The following DZIP1L variants were observed in gnomAD, a reference collection of about 807,000 sequenced individuals.
The protein encoded by DZIP1L is DAZ interacting zinc finger protein 1 like, also known as cilium assembly protein DZIP1L.
A neutral mutation model predicts 88.7 loss-of-function variants in DZIP1L; 90 were observed. The ratio of observed to expected loss-of-function variants is 1.02; its 90% CI spans 0.86 to 1.21. The LOEUF (loss-of-function observed/expected upper bound fraction) is 1.21, where lower values mean the gene tolerates loss of function less well. Among genes scored for constraint, DZIP1L ranks in the 50% most tolerant of loss-of-function variants. The pLI is 0.00. For synonymous variants in DZIP1L, 363 were observed against 372.1 expected (o/e 0.98, Z 0.28); for missense variants, 932 against 955.8 (o/e 0.98, Z 0.33).
At chr3:138,096,769 ACT>A (rs1491398956) in intron 3 of DZIP1L, among the ~76,000 whole-genome samples, 1 of 152,230 alleles carries the variant, frequency 6.6e-6, no homozygotes, top group Non-Finnish European at 1.5e-5. Flanking sequence ...GGTAAGTGGT[ACT>A]TTTTTTTTAT....
In DZIP1L at chr3:138,088,477, T is replaced by A; in HGVS notation, c.901A>T (p.Met301Leu). The A allele has an allele frequency of 6.2e-7, 1 of 1,613,982 alleles. No individual in the cohort carries two copies. The highest frequency in any genetic ancestry group is 2.2e-5 in the East Asian group (1 of 44,866). ...CGCAGTGATCCCAGCTTGGACTCCA[T>A]CACACTGTGGGACTGCAGTGCCCGC... The part of the protein sequence containing the change: ...KLRALQSHSV[M>L]ESKLGSLRDE... The change falls in exon 6 of 16, where the codon ATG becomes TTG. Residue 301 changes from methionine to leucine, a missense_variant. Coordinates refer to ENST00000327532, the MANE Select transcript of DZIP1L (RefSeq NM_173543.3).
At chr3:138,080,085 G>A (rs1231673139) in intron 10 of DZIP1L, among the ~76,000 whole-genome samples, 1 of 152,156 alleles carries the variant, frequency 6.6e-6, no homozygotes, top group East Asian at 1.9e-4. Flanking sequence ...AAAACAGCAG[G>A]TGCCCAATGC....
chr3:138,090,233 G>C (rs768329119), intron 5 of DZIP1L, among the ~76,000 whole-genome samples: 19 of 151,970 alleles, frequency 1.3e-4, no homozygotes, highest in Non-Finnish European at 2.2e-4. Flanking sequence ...AGTTAAAAAG[G>C]ATATCATGGA....
intron 2 of DZIP1L, among the ~76,000 whole-genome samples, chr3:138,103,266 T>TAC (rs141152295): frequency 8.3e-4 from 125 of 150,208 alleles, no homozygotes; most frequent in South Asian, 1.5e-3. Flanking sequence ...TACACACACA[T>TAC]ACACACACAC....
At chr3:138,077,708 G>A (rs1008182702) in intron 10 of DZIP1L, 76 bp from the exon 11 acceptor site, 7 of 1,572,816 alleles carry the variant, frequency 4.5e-6, no homozygotes, top group African/African-American at 4.1e-5. Flanking sequence ...TGCACCTGCC[G>A]AGCCCTCACA....
chr3:138,071,884 T>C, intron 11 of DZIP1L, 49 bp from the exon 12 acceptor site: 1 of 1,542,826 alleles, frequency 6.5e-7, no homozygotes, highest in Non-Finnish European at 8.7e-7. Context: ...ACCCTTCTTC[T>C]CCTTCCCCTA....
chr3:138,089,226 G>T (rs1944092813), intron 5 of DZIP1L: 1 of 985,236 alleles, frequency 1.0e-6, no homozygotes, highest in Admixed American at 6.1e-5. Flanking sequence ...CTCAACTATT[G>T]CTAAACAATA....
chr3:138,107,160 T>C (rs2042518203), intron 1 of DZIP1L, among the ~76,000 whole-genome samples: 1 of 152,236 alleles, frequency 6.6e-6, no homozygotes, highest in Non-Finnish European at 1.5e-5. Context: ...AGTGGTTCAG[T>C]GGCATCCCCC....
Position 138,073,999 on chromosome 3 carries a change from T to A in DZIP1L, c.1423-2164A>T, listed in dbSNP as rs946203600. ...AGACAAGGCTTTCGAATTAACACAA[T>A]CCATAGAAGACAAAAAAGAATTTTA... On this transcript the variant is annotated intron_variant, in intron 11 of 15. Transcript: ENST00000327532. 4.0e-5 allele frequency among the ~76,000 whole-genome samples: 6 copies of A among 151,718 alleles called. No homozygotes were observed. In the South Asian group the frequency reaches 8.3e-4, roughly 21 times the overall value.
Position 138,068,139 on chromosome 3 carries a change from T to C in DZIP1L, c.1832+12A>G. ...CTGCAGGTGGGGTGAGAGGGCAGAG[T>C]CTGGGGCTCACCTCATCCCGGGCCC... is the stretch of plus-strand genomic sequence containing the variant. On this transcript the variant is annotated intron_variant, in intron 13 of 15. Transcript: ENST00000327532. The C allele has an allele frequency of 6.7e-7, 1 of 1,485,526 alleles. No homozygotes were observed. Among genetic ancestry groups the C allele is most frequent in the Middle Eastern group, 2.4e-4 (1 of 4,088 alleles). The allele number at this position is 1,485,526 out of a possible 1,614,324, so 92.0% of individuals were successfully genotyped here.
chr3:138,065,421 G>A (rs1252393691), intron 14 of DZIP1L, among the ~76,000 whole-genome samples: 1 of 152,216 alleles, frequency 6.6e-6, no homozygotes, highest in Non-Finnish European at 1.5e-5. Flanking sequence ...CGATGTAGCA[G>A]GCACTGTTTC....
At chr3:138,092,768 C>G (rs1340977922) in intron 4 of DZIP1L, among the ~76,000 whole-genome samples, 4 of 152,182 alleles carry the variant, frequency 2.6e-5, no homozygotes, top group Non-Finnish European at 4.4e-5. Flanking sequence ...CAAGAAACTA[C>G]TTTATTTGCT....
chr3:138,080,873 T>C lies in DZIP1L; in HGVS notation c.1235-253A>G, dbSNP rs77285522. On this transcript the variant is annotated intron_variant, in intron 9 of 15. Coordinates refer to ENST00000327532, the MANE Select transcript of DZIP1L (RefSeq NM_173543.3). Reference sequence around the variant, plus strand: ...ACCCCTCTAAGCCTGGGTTTCCCCATCTAGAAAACGAGGATAATTCAATAG... The same window carrying C: ...ACCCCTCTAAGCCTGGGTTTCCCCACCTAGAAAACGAGGATAATTCAATAG... 5.2e-3 allele frequency among the ~76,000 whole-genome samples: 797 copies of C among 152,290 alleles called. 3 individuals carry two copies. Among genetic ancestry groups the C allele is most frequent in the African/African-American group, 0.018 (752 of 41,558 alleles).
chr3:138,098,274 A>G (rs1234801733), intron 2 of DZIP1L, among the ~76,000 whole-genome samples: 1 of 152,246 alleles, frequency 6.6e-6, no homozygotes, highest in African/African-American at 2.4e-5. Context: ...AACACTGCCC[A>G]TGGGTTGATA....
intron 9 of DZIP1L, 85 bp from the exon 10 acceptor site, chr3:138,080,705 A>G: frequency 6.9e-7 from 1 of 1,443,608 alleles, no homozygotes; most frequent in South Asian, 1.2e-5. Flanking sequence ...CCAGCTGAGT[A>G]TGAGCCAGAA....
chr3:138,062,737 C>T lies in DZIP1L; in HGVS notation c.*79G>A. On this transcript the variant is annotated 3_prime_UTR_variant, in exon 16 of 16. Transcript: ENST00000327532. ...TGGTTGTTTGTGAAGACAAGAGGCC[C>T]AGCAGCCTCTTCTGTTGAAGTGGAC... The T allele has an allele frequency of 1.3e-6, 2 of 1,501,304 alleles. No homozygotes were observed. The highest frequency in any genetic ancestry group is 3.5e-5 in the Admixed American group (2 of 56,396). The allele number at this position is 1,501,304 out of a possible 1,614,324, so 93.0% of individuals were successfully genotyped here.
intron 2 of DZIP1L, chr3:138,102,221 GATCTCCT>G (rs2042341551): frequency 7.1e-7 from 1 of 1,400,066 alleles, no homozygotes; most frequent in Non-Finnish European, 1.0e-6. Flanking sequence ...GCAGCTCCCG[GATCTCCT>G]CTTCATACAG....
rs375879252 is a variant in DZIP1L, at chr3:138,109,182, C to T, written c.-81-5130G>A. Among the ~76,000 whole-genome samples the T allele has an allele frequency of 7.2e-5, 11 of 152,316 alleles. No homozygotes were observed. In the South Asian group the frequency reaches 1.5e-3, roughly 20 times the overall value. Reference sequence around the variant, plus strand: ...CTCTCTAGCTGCATCTCCCATTTACCATATTACTTGCCTTCCACACTTTCA... The same window carrying T: ...CTCTCTAGCTGCATCTCCCATTTACTATATTACTTGCCTTCCACACTTTCA... On this transcript the variant is annotated intron_variant, in intron 1 of 15. Transcript: ENST00000327532.
At chr3:138,086,166 G>A (rs561123539) in intron 7 of DZIP1L, among the ~76,000 whole-genome samples, 1 of 151,322 alleles carries the variant, frequency 6.6e-6, no homozygotes, top group East Asian at 1.9e-4. Context: ...TAAATGACAA[G>A]TTAATGGGTG....
Sources: allele counts gnomAD v4.1 joint callset (sites outside exome capture counted in the v4.1 genomes callset), GRCh38; gene constraint gnomAD v4.1.1; transcripts MANE v1.5; gene names NCBI Gene and HGNC (gene_info 2026-07-23, HGNC 2026-07-21).